Variants in ASB2 observed in about 807,000 individuals in gnomAD.
ASB2 encodes the protein ankyrin repeat and SOCS box containing 2.
A neutral mutation model predicts 62.4 loss-of-function variants in ASB2; 58 were observed. That is an observed-to-expected ratio of 0.93 (90% CI 0.75 to 1.16). The LOEUF is 1.16. Ranked by LOEUF, ASB2 falls within the 50% of genes most tolerant of loss-of-function variation. The pLI is 0.00. For synonymous variants in ASB2, 386 were observed against 385.3 expected (o/e 1.00, Z -0.02); for missense variants, 928 against 887.9 (o/e 1.05, Z -0.57).
In ASB2 at chr14:93,969,315, G is replaced by T. The variant is rs549301874; in HGVS notation, c.-73-4703C>A. ...TGGTGCTGCTCAGCCCTGGCACGAG[G>T]GGGAAGTTATGAAGCAGCGTGTGGA... On this transcript the variant is annotated intron_variant, in intron 1 of 9. Transcript: ENST00000555019. 2.0e-5 allele frequency among the ~76,000 whole-genome samples: 3 copies of T among 152,336 alleles called. No individual in the cohort carries two copies. In the East Asian group the frequency reaches 5.8e-4, roughly 29 times the overall value.
At chr14:93,968,707 C>T (rs182268340) in intron 1 of ASB2, among the ~76,000 whole-genome samples, 14 of 152,346 alleles carry the variant, frequency 9.2e-5, no homozygotes, top group Admixed American at 9.1e-4. Flanking sequence ...TTAACCTTGA[C>T]AGGACCTTGA....
At chr14:93,958,428 C>T (rs1889301529) in intron 2 of ASB2, among the ~76,000 whole-genome samples, 1 of 152,206 alleles carries the variant, frequency 6.6e-6, no homozygotes, top group Admixed American at 6.5e-5. Context: ...CCTCTGAAGG[C>T]CTGGCCTCTT....
At position 93,937,870 on chromosome 14, in the gene ASB2, G is replaced by A. The variant is rs753094432; in HGVS notation, c.1618-19C>T. 16 of 1,581,090 alleles carry A rather than the reference G, an allele frequency of 1.0e-5. No homozygotes were observed. The highest frequency in any genetic ancestry group is 5.4e-5 in the African/African-American group (4 of 74,288). On this transcript the variant is annotated intron_variant, in intron 8 of 9. Coordinates refer to ENST00000555019, the MANE Select transcript of ASB2 (RefSeq NM_001202429.2). ...CACAGAACTGAAAGAGAACATGCCG[G>A]GACCAAGAAGTGAGTTCATCCCACC...
chr14:93,935,064 G>C (rs1888224739), intron 9 of ASB2, among the ~76,000 whole-genome samples: 1 of 152,190 alleles, frequency 6.6e-6, no homozygotes, highest in African/African-American at 2.4e-5. Flanking sequence ...GCTTAGCAAG[G>C]TTCTGAGCCT....
At position 93,956,066 on chromosome 14, in the gene ASB2, A is replaced by C. The variant is rs796574023; in HGVS notation, c.311+700T>G. On this transcript the variant is annotated intron_variant, in intron 3 of 9. Transcript: ENST00000555019. ...GCCAATTGCCTCCTCCCTTCTCTACAACGTAACTGAGTGAGGAAATGCAGT... is the reference window on the plus strand; with the variant it reads ...GCCAATTGCCTCCTCCCTTCTCTACCACGTAACTGAGTGAGGAAATGCAGT... Among the ~76,000 whole-genome samples, 9 of 152,294 alleles carry C rather than the reference A, an allele frequency of 5.9e-5. 1 individual carries two copies. The highest frequency in any genetic ancestry group is 2.2e-4 in the African/African-American group (9 of 41,556).
At chr14:93,942,873 A>ATGG (rs138994603) in intron 7 of ASB2, among the ~76,000 whole-genome samples, 1 of 149,268 alleles carries the variant, frequency 6.7e-6, no homozygotes, top group Non-Finnish European at 1.5e-5. Flanking sequence ...GATGATGATG[A>ATGG]TGGTGATAGC....
Position 93,944,118 on chromosome 14 carries a change from G to T in ASB2, c.1052+3231C>A, listed in dbSNP as rs79491008. On this transcript the variant is annotated intron_variant, in intron 7 of 9. Transcript: ENST00000555019. Reference sequence around the variant, plus strand: ...TAGACACCTTGAAGCCTCAGCCACGGCCCAGACCAGCGGCAGCGCCATCTC... The same window carrying T: ...TAGACACCTTGAAGCCTCAGCCACGTCCCAGACCAGCGGCAGCGCCATCTC... 4.9e-4 allele frequency: 198 copies of T among 406,328 alleles called. 2 individuals carry two copies. The East Asian group carries it at 9.2e-3, about 19-fold the overall frequency. The allele number at this position is 406,328 out of a possible 1,614,324, so 25.2% of individuals were successfully genotyped here.
chr14:93,941,764 G>A (rs1595303661), intron 7 of ASB2: 1 of 447,154 alleles, frequency 2.2e-6, no homozygotes, highest in East Asian at 7.0e-5. Flanking sequence ...CTGGTCTCCG[G>A]CAGTTCTCCA....
chr14:93,961,303 G>A lies in ASB2; in HGVS notation c.206+3031C>T, dbSNP rs145258259. The stretch of plus-strand genomic sequence containing the variant: ...TTAGCCACCCACCTAAGGTTGCACA[G>A]CCAGTAAGTGTAGAGGAAGAATTTG... On this transcript the variant is annotated intron_variant, in intron 2 of 9. Coordinates refer to ENST00000555019, the MANE Select transcript of ASB2 (RefSeq NM_001202429.2). Among the ~76,000 whole-genome samples the A allele has an allele frequency of 2.5e-4, 38 of 152,354 alleles. 2 individuals carry two copies. In the East Asian group the frequency reaches 7.1e-3, roughly 29 times the overall value.
At chr14:93,956,522 A>AC (rs1555429350) in intron 3 of ASB2, among the ~76,000 whole-genome samples, 2 of 151,838 alleles carry the variant, frequency 1.3e-5, no homozygotes, top group Non-Finnish European at 2.9e-5. Flanking sequence ...GGGGCATCTG[A>AC]GGGGGGGATC....
At chr14:93,960,950 G>GATAAACAA (rs1555429769) in intron 2 of ASB2, among the ~76,000 whole-genome samples, 4 of 144,826 alleles carry the variant, frequency 2.8e-5, no homozygotes, top group Non-Finnish European at 6.0e-5. Context: ...GGGCACTGGA[G>GATAAACAA]ATAAATAAAT....
chr14:93,947,593 G>A (rs1311790987), intron 6 of ASB2, 73 bp from the exon 7 acceptor site: 6 of 1,510,012 alleles, frequency 4.0e-6, no homozygotes, highest in African/African-American at 2.7e-5. Context: ...ACGCCACCGC[G>A]TGGTGGGCCT....
rs1851336995 is a variant in ASB2, at chr14:93,957,372, CT to C, written c.207-503del. 3.9e-6 allele frequency: 4 copies of C among 1,022,862 alleles called. No homozygotes were observed. The East Asian group carries it at 3.8e-4, about 98-fold the overall frequency. 63.4% of individuals were successfully genotyped at this position (1,022,862 alleles called of 1,614,324 possible). ...TGTGCCCCCCACGCCCACCTGCCAGCTCATTAGGGGATCTTGTCCCAGGGGT... is the reference window on the plus strand; with the variant it reads ...TGTGCCCCCCACGCCCACCTGCCAGCCATTAGGGGATCTTGTCCCAGGGGT... On this transcript the variant is annotated intron_variant, in intron 2 of 9. Coordinates refer to ENST00000555019, the MANE Select transcript of ASB2 (RefSeq NM_001202429.2).
chr14:93,971,676 C>A (rs1889759362), intron 1 of ASB2, among the ~76,000 whole-genome samples: 1 of 152,162 alleles, frequency 6.6e-6, no homozygotes, highest in African/African-American at 2.4e-5. Context: ...CAGTGAATTT[C>A]TCTCTCATAT....
At chr14:93,958,128 T>C (rs2066456871) in intron 2 of ASB2, among the ~76,000 whole-genome samples, 1 of 152,162 alleles carries the variant, frequency 6.6e-6, no homozygotes, top group Admixed American at 6.5e-5. Flanking sequence ...CAGGGCTGCC[T>C]GCAGGCCTGG....
chr14:93,964,582 T>C lies in ASB2; in HGVS notation c.-43A>G. On this transcript the variant is annotated 5_prime_UTR_variant, in exon 2 of 10. Transcript: ENST00000555019. ...CCTGGCCTCCAGAACAGACACCCAGTGGGGAGGAGGGAACAGCAAATCAGA... is the reference window on the plus strand; with the variant it reads ...CCTGGCCTCCAGAACAGACACCCAGCGGGGAGGAGGGAACAGCAAATCAGA... The C allele has an allele frequency of 1.3e-6, 2 of 1,519,674 alleles. No individual in the cohort carries two copies. The highest frequency in any genetic ancestry group is 1.8e-6 in the Non-Finnish European group (2 of 1,132,348). The allele number at this position is 1,519,674 out of a possible 1,614,324, so 94.1% of individuals were successfully genotyped here.
chr14:93,939,207 G>A lies in ASB2; in HGVS notation c.1518C>T (p.Phe506=), dbSNP rs745716313. Residue 506 remains phenylalanine, a synonymous_variant, in exon 8 of 10, where the codon TTC becomes TTT. Coordinates refer to ENST00000555019, the MANE Select transcript of ASB2 (RefSeq NM_001202429.2). The part of the protein sequence containing the change: ...MDLGCDGEPC[F]SCLYGNGPHP... Reference sequence around the variant, plus strand: ...GCGGGCCGTTGCCGTAGAGGCATGAGAAGCAGGGCTCGCCGTCGCAGCCCA... The same window carrying A: ...GCGGGCCGTTGCCGTAGAGGCATGAAAAGCAGGGCTCGCCGTCGCAGCCCA... 2.0e-5 allele frequency: 32 copies of A among 1,606,972 alleles called. No individual in the cohort carries two copies. The African/African-American group carries it at 4.0e-4, about 20-fold the overall frequency.
intron 2 of ASB2, chr14:93,957,234 G>A: frequency 8.1e-7 from 1 of 1,227,948 alleles, no homozygotes; most frequent in East Asian, 4.3e-5. Context: ...GCAGGTCCCA[G>A]GATGAAAGGG....
chr14:93,968,164 G>A (rs1253497570), intron 1 of ASB2: 2 of 152,184 alleles, frequency 1.3e-5, no homozygotes. Flanking sequence ...GCCAGGTAAT[G>A]GTCACCCAGA....
Sources: allele counts gnomAD v4.1 joint callset (sites outside exome capture counted in the v4.1 genomes callset), GRCh38; gene constraint gnomAD v4.1.1; transcripts MANE v1.5; gene names NCBI Gene and HGNC (gene_info 2026-07-23, HGNC 2026-07-21).